The following TNPO1 variants were observed in gnomAD, a reference collection of about 807,000 sequenced individuals.
TNPO1 encodes transportin 1, also known as transportin-1.
Under a neutral mutation model 119.5 loss-of-function variants are expected in TNPO1, and 8 were observed. That is an observed-to-expected ratio of 0.07 (90% confidence interval 0.04 to 0.12). The LOEUF is 0.12. Among genes scored for constraint, TNPO1 ranks in the 10% least tolerant of loss-of-function variants. The pLI, the probability that TNPO1 is intolerant of heterozygous loss-of-function variation, is 1.00. For missense variants in TNPO1, 576 were observed against 1,089.8 expected (o/e 0.53, Z 6.64); for synonymous variants, 362 against 363.0 (o/e 1.00, Z 0.03).
At chr5:72,903,143 T>A (rs1749911730) in intron 22 of TNPO1, among the ~76,000 whole-genome samples, 2 of 152,210 alleles carry the variant, frequency 1.3e-5, no homozygotes, top group Non-Finnish European at 2.9e-5. Context: ...TTTAAGTAAT[T>A]GTCCAAAAGT....
intron 1 of TNPO1, among the ~76,000 whole-genome samples, chr5:72,838,233 C>T (rs1300200324): frequency 6.6e-6 from 1 of 152,166 alleles, no homozygotes; most frequent in Admixed American, 6.5e-5. Flanking sequence ...ATACATTATA[C>T]TTAATAAAGG....
At chr5:72,886,581 T>C (rs1413851878) in intron 11 of TNPO1, among the ~76,000 whole-genome samples, 1 of 152,170 alleles carries the variant, frequency 6.6e-6, no homozygotes, top group Non-Finnish European at 1.5e-5. Context: ...TAAGTTCTTG[T>C]CATAAAAAAT....
chr5:72,830,667 T>C (rs1744418111), intron 1 of TNPO1, among the ~76,000 whole-genome samples: 1 of 152,198 alleles, frequency 6.6e-6, no homozygotes, highest in African/African-American at 2.4e-5. Flanking sequence ...CTGAAGATTA[T>C]GTATTTTATT....
In TNPO1 at chr5:72,908,882, C is replaced by T. The variant is rs1579954707; in HGVS notation, c.*209C>T. 1 of 453,240 alleles carries T rather than the reference C, an allele frequency of 2.2e-6. No homozygotes were observed. The allele number at this position is 453,240 out of a possible 1,614,324, so 28.1% of individuals were successfully genotyped here. A position where few individuals can be genotyped will look rare whatever the true frequency, so the allele number is the denominator to read the frequency against. On this transcript the variant is annotated 3_prime_UTR_variant, in exon 25 of 25. Transcript: ENST00000337273. ...AAGTCGATGTTGGGAAACGTTTTAACATCTGGAGCCTTTGTGGGTGGAAAT... is the reference window on the plus strand; with the variant it reads ...AAGTCGATGTTGGGAAACGTTTTAATATCTGGAGCCTTTGTGGGTGGAAAT...
intron 22 of TNPO1, among the ~76,000 whole-genome samples, chr5:72,902,161 C>G (rs989409325): frequency 6.6e-6 from 1 of 151,730 alleles, no homozygotes; most frequent in African/African-American, 2.4e-5. Flanking sequence ...TAAAACTGCC[C>G]CAAAAAAATG....
chr5:72,852,954 AAGAT>A (rs958711965), intron 3 of TNPO1, among the ~76,000 whole-genome samples: 5 of 152,234 alleles, frequency 3.3e-5, no homozygotes, highest in African/African-American at 1.2e-4. Flanking sequence ...TTCTTATACT[AAGAT>A]ATTTATAAAT....
chr5:72,834,615 T>C (rs1422527096), intron 1 of TNPO1, among the ~76,000 whole-genome samples: 3 of 152,262 alleles, frequency 2.0e-5, no homozygotes, highest in Non-Finnish European at 2.9e-5. Context: ...GTTTGTGTTA[T>C]AAGCTAAGTA....
intron 1 of TNPO1, among the ~76,000 whole-genome samples, chr5:72,847,187 A>G (rs941483184): frequency 3.9e-5 from 6 of 152,196 alleles, no homozygotes; most frequent in Admixed American, 3.3e-4. Flanking sequence ...AAAAGAAAGA[A>G]AAAGCTAACT....
At position 72,893,684 on chromosome 5, in the gene TNPO1, G is replaced by T. The variant is rs1054304263; in HGVS notation, c.2124G>T (p.Gln708His). ...LLGDLTKACFQHVKPCIADFM... is the reference protein window; with the variant it reads ...LLGDLTKACFHHVKPCIADFM... ...GTGACCTCACAAAAGCTTGCTTTCA[G>T]CATGTTAAGCCTTGTATAGGTATGA... Residue 708 changes from glutamine to histidine, a missense_variant, in exon 18 of 25, where the codon CAG (glutamine) becomes CAT (histidine). By Grantham distance (24) the Gln-to-His change is conservative. Around this residue, in one of 6 missense-constraint regions of TNPO1, gnomAD observed 162 missense variants for 294.1 expected, o/e 0.55. Coordinates refer to ENST00000337273, the MANE Select transcript of TNPO1 (RefSeq NM_002270.4). 1 of 1,614,050 alleles carries T rather than the reference G, an allele frequency of 6.2e-7. No individual in the cohort carries two copies. The highest frequency in any genetic ancestry group is 8.5e-7 in the Non-Finnish European group (1 of 1,180,018).
chr5:72,848,590 TCTGCCC>T (rs1745277945), intron 2 of TNPO1, 92 bp downstream of exon 2: 1 of 628,380 alleles, frequency 1.6e-6, no homozygotes. Flanking sequence ...CGCCTCCGCC[TCTGCCC>T]CTCCCCCATC....
chr5:72,839,998 T>C (rs917085609), intron 1 of TNPO1, among the ~76,000 whole-genome samples: 3 of 152,304 alleles, frequency 2.0e-5, no homozygotes, highest in Admixed American at 6.5e-5. Flanking sequence ...AATGAAAAAT[T>C]TGTGCTCTGA....
At chr5:72,901,533 G>A (rs1749795762) in intron 22 of TNPO1, among the ~76,000 whole-genome samples, 1 of 152,168 alleles carries the variant, frequency 6.6e-6, no homozygotes, top group Non-Finnish European at 1.5e-5. Context: ...CTCTAATTTT[G>A]AGAGCTTATG....
chr5:72,860,462 G>C (rs1746353855), intron 4 of TNPO1, among the ~76,000 whole-genome samples: 1 of 152,176 alleles, frequency 6.6e-6, no homozygotes, highest in Admixed American at 6.5e-5. Flanking sequence ...CCTTGTGTTT[G>C]TGTTAACACA....
chr5:72,826,123 ACTTAC>A (rs1744196306), intron 1 of TNPO1, among the ~76,000 whole-genome samples: 1 of 151,834 alleles, frequency 6.6e-6, no homozygotes, highest in African/African-American at 2.4e-5. Flanking sequence ...GGCTCAATGG[ACTTAC>A]CTCCCAGTCT....
At chr5:72,837,986 T>C (rs1744756804) in intron 1 of TNPO1, among the ~76,000 whole-genome samples, 1 of 152,230 alleles carries the variant, frequency 6.6e-6, no homozygotes, top group African/African-American at 2.4e-5. Flanking sequence ...GCTATGTCTC[T>C]TTTCATAACT....
rs1166280761 is a variant in TNPO1, at chr5:72,912,077, A to G, written c.*3404A>G. On this transcript the variant is annotated 3_prime_UTR_variant, in exon 25 of 25. Transcript: ENST00000337273. ...TCAATGACTTCATACTGTGTAAAAAAAAATCACTTTTTAATATTTTTTGGT... is the reference window on the plus strand; with the variant it reads ...TCAATGACTTCATACTGTGTAAAAAGAAATCACTTTTTAATATTTTTTGGT... 1 of 152,528 alleles carries G rather than the reference A, an allele frequency of 6.6e-6. No individual in the cohort carries two copies. The highest frequency in any genetic ancestry group is 1.5e-5 in the Non-Finnish European group (1 of 67,964). The allele number at this position is 152,528 out of a possible 1,614,324, so 9.4% of individuals were successfully genotyped here. A position where few individuals can be genotyped will look rare whatever the true frequency, so the allele number is the denominator to read the frequency against.
intron 24 of TNPO1, 131 bp downstream of exon 24, chr5:72,905,576 T>G: frequency 2.0e-6 from 1 of 493,592 alleles, no homozygotes; most frequent in Admixed American, 3.7e-5. Context: ...CCTCATATCA[T>G]TCTATCTTGG....
Position 72,855,762 on chromosome 5 carries a change from A to G in TNPO1, c.206-12A>G, listed in dbSNP as rs775940470. On this transcript the variant is annotated splice_polypyrimidine_tract_variant and intron_variant, in intron 3 of 24. Transcript: ENST00000337273. ...TACTTCAAAACTCATTACTATTACT[A>G]TTTTATTACAGATGAACCCACAAGA... 63 of 1,587,102 alleles carry G rather than the reference A, an allele frequency of 4.0e-5. No individual in the cohort carries two copies. Among genetic ancestry groups the G allele is most frequent in the Non-Finnish European group, 4.5e-5 (53 of 1,167,138 alleles).
rs201042631 is a variant in TNPO1 at position 72,882,928 on chromosome 5, G to A, written c.982-136G>A. On this transcript the variant is annotated intron_variant, in intron 10 of 24. Coordinates refer to ENST00000337273, the MANE Select transcript of TNPO1 (RefSeq NM_002270.4). ...GGAATATGTTCTGTACATGGGCGTG[G>A]TTCTTAATCACTCTGGAAGTATATT... is the stretch of plus-strand genomic sequence containing the variant. 1.0e-5 allele frequency: 7 copies of A among 698,218 alleles called. No homozygotes were observed. In the East Asian group the frequency reaches 1.8e-4, roughly 18 times the overall value. 43.3% of individuals were successfully genotyped at this position (698,218 alleles called of 1,614,324 possible).
Sources: allele counts gnomAD v4.1 joint callset (sites outside exome capture counted in the v4.1 genomes callset), GRCh38; gene constraint gnomAD v4.1.1; regional missense constraint gnomAD v4.1.1; transcripts MANE v1.5; gene names NCBI Gene and HGNC (gene_info 2026-07-23, HGNC 2026-07-21).